OSBPL8: variants seen among roughly 807,000 people sequenced by gnomAD.
OSBPL8 encodes the protein oxysterol binding protein like 8, also known as oxysterol-binding protein-related protein 8.
In OSBPL8, 59 loss-of-function variants were observed where a neutral mutation model predicts 125.5. That is an observed-to-expected ratio of 0.47 (90% CI 0.38 to 0.58). The LOEUF (loss-of-function observed/expected upper bound fraction) is 0.58. Ranked by LOEUF, OSBPL8 falls within the 20% of genes least tolerant of loss-of-function variation. The pLI is 0.00. For missense variants in OSBPL8, 758 were observed against 1,047.8 expected (o/e 0.72, Z 3.82); for synonymous variants, 330 against 338.9 (o/e 0.97, Z 0.29).
chr12:76,457,879 TCC>T (rs1037641477), intron 3 of OSBPL8, among the ~76,000 whole-genome samples: 103 of 152,256 alleles, frequency 6.8e-4, no homozygotes, highest in African/African-American at 2.3e-3. Context: ...TTCACCTGAG[TCC>T]ATGTCTAAAT....
At chr12:76,472,501 C>G (rs529139995) in intron 2 of OSBPL8, among the ~76,000 whole-genome samples, 2 of 152,126 alleles carry the variant, frequency 1.3e-5, no homozygotes, top group Admixed American at 1.3e-4. Context: ...ACCACCAAGA[C>G]GCGGAGACTG....
intron 1 of OSBPL8, among the ~76,000 whole-genome samples, chr12:76,511,628 T>C (rs1329228465): frequency 3.9e-5 from 6 of 152,210 alleles, no homozygotes; most frequent in Non-Finnish European, 8.8e-5. Context: ...ATATTAGACC[T>C]CTGTGAGGTA....
chr12:76,498,581 G>A (rs988864656), intron 1 of OSBPL8, among the ~76,000 whole-genome samples: 3 of 152,108 alleles, frequency 2.0e-5, no homozygotes, highest in Non-Finnish European at 4.4e-5. Flanking sequence ...ACAAAGAAAT[G>A]TTCAAATGCT....
At chr12:76,448,815 C>T (rs1196440050) in intron 4 of OSBPL8, among the ~76,000 whole-genome samples, 1 of 152,162 alleles carries the variant, frequency 6.6e-6, no homozygotes, top group Non-Finnish European at 1.5e-5. Context: ...GAGATCAAGA[C>T]CATCCTGGCC....
chr12:76,378,448 T>A lies in OSBPL8; in HGVS notation c.1729+4A>T. ...TATCTAATTCAAGTATAGAAAATAT[T>A]TACCTTTACAATGAGCGTATGGCAT... On this transcript the variant is annotated splice_donor_region_variant and intron_variant, in intron 16 of 23. Coordinates refer to ENST00000261183, the MANE Select transcript of OSBPL8 (RefSeq NM_020841.5). 6.5e-7 allele frequency: 1 copy of A among 1,535,406 alleles called. No homozygotes were observed. The highest frequency in any genetic ancestry group is 1.2e-5 in the South Asian group (1 of 84,728).
At chr12:76,466,788 G>C (rs986570877) in intron 2 of OSBPL8, among the ~76,000 whole-genome samples, 1 of 151,826 alleles carries the variant, frequency 6.6e-6, no homozygotes. Flanking sequence ...GTGAAACGTC[G>C]TATCTACTAA....
chr12:76,508,939 G>A (rs1419765268), intron 1 of OSBPL8, among the ~76,000 whole-genome samples: 1 of 152,176 alleles, frequency 6.6e-6, no homozygotes, highest in African/African-American at 2.4e-5. Flanking sequence ...CCATGCTGCT[G>A]CTCTGCCTAT....
At chr12:76,489,546 C>G (rs1878496012) in intron 1 of OSBPL8, among the ~76,000 whole-genome samples, 1 of 152,190 alleles carries the variant, frequency 6.6e-6, no homozygotes, top group South Asian at 2.1e-4. Flanking sequence ...ACAACAAAGC[C>G]TGTATGATAG....
chr12:76,410,735 G>A (rs1487036425), intron 4 of OSBPL8, 101 bp from the exon 5 acceptor site: 9 of 783,636 alleles, frequency 1.1e-5, no homozygotes, highest in Admixed American at 6.2e-5. Flanking sequence ...ATCAGTGCAG[G>A]AAGCCTGTAC....
At chr12:76,521,167 C>G (rs1364073250) in intron 1 of OSBPL8, among the ~76,000 whole-genome samples, 1 of 152,194 alleles carries the variant, frequency 6.6e-6, no homozygotes, top group Non-Finnish European at 1.5e-5. Flanking sequence ...ATAATACTCT[C>G]AACTGTTCAA....
At chr12:76,500,852 G>A (rs917511264) in intron 1 of OSBPL8, among the ~76,000 whole-genome samples, 5 of 152,086 alleles carry the variant, frequency 3.3e-5, no homozygotes, top group Non-Finnish European at 5.9e-5. Context: ...CCACATATAT[G>A]TTTGGAACCA....
At chr12:76,484,705 T>C (rs1378138669) in intron 2 of OSBPL8, among the ~76,000 whole-genome samples, 2 of 152,090 alleles carry the variant, frequency 1.3e-5, no homozygotes, top group African/African-American at 4.8e-5. Context: ...CTGATCCACT[T>C]CTCCCAGATC....
At chr12:76,491,409 C>T (rs915781412) in intron 1 of OSBPL8, among the ~76,000 whole-genome samples, 1 of 152,032 alleles carries the variant, frequency 6.6e-6, no homozygotes, top group African/African-American at 2.4e-5. Flanking sequence ...CTTGGAGTTT[C>T]AAAAACATTT....
At chr12:76,447,361 T>C (rs934042775) in intron 4 of OSBPL8, among the ~76,000 whole-genome samples, 2 of 152,194 alleles carry the variant, frequency 1.3e-5, no homozygotes, top group African/African-American at 4.8e-5. Flanking sequence ...CAGCATGAAG[T>C]ACTACACACT....
intron 1 of OSBPL8, among the ~76,000 whole-genome samples, chr12:76,505,591 G>A (rs753171146): frequency 2.0e-5 from 3 of 152,104 alleles, no homozygotes; most frequent in African/African-American, 4.8e-5. Flanking sequence ...ATTTTAGATA[G>A]GATTGCCTGG....
At chr12:76,395,234 A>G (rs1953741668) in intron 8 of OSBPL8, among the ~76,000 whole-genome samples, 1 of 152,164 alleles carries the variant, frequency 6.6e-6, no homozygotes, top group Non-Finnish European at 1.5e-5. Flanking sequence ...TTATTTTTCC[A>G]GAAACATGAA....
At chr12:76,424,960 G>A (rs1869975575) in intron 4 of OSBPL8, among the ~76,000 whole-genome samples, 1 of 152,108 alleles carries the variant, frequency 6.6e-6, no homozygotes, top group Admixed American at 6.5e-5. Context: ...GCAGATCCAA[G>A]AAAGCCAAAT....
chr12:76,552,692 C>A (rs1424911453), intron 1 of OSBPL8, among the ~76,000 whole-genome samples: 2 of 152,162 alleles, frequency 1.3e-5, no homozygotes, highest in Non-Finnish European at 2.9e-5. Flanking sequence ...CTGGCCCCCT[C>A]TCTGCTTAAA....
chr12:76,428,720 G>T (rs910844350), intron 4 of OSBPL8, among the ~76,000 whole-genome samples: 5 of 152,108 alleles, frequency 3.3e-5, no homozygotes, highest in African/African-American at 1.2e-4. Context: ...TCTATGAAAT[G>T]AGTATCTGAA....
Sources: gnomAD v4.1 joint callset for allele counts (sites outside exome capture counted in the v4.1 genomes callset) on GRCh38, gnomAD v4.1.1 for gene constraint, MANE v1.5 for transcripts, NCBI Gene and HGNC (gene_info 2026-07-23, HGNC 2026-07-21) for gene names.